The following ACSL4 variants were observed in gnomAD, a reference collection of about 807,000 sequenced individuals.
ACSL4 encodes the protein acyl-CoA synthetase long chain family member 4, also known as long-chain-fatty-acid--CoA ligase 4.
In ACSL4, 9 loss-of-function variants were observed where a neutral mutation model predicts 49.1. The observed-to-expected ratio is 0.18, with a 90% CI of 0.11 to 0.32. ACSL4 has a LOEUF of 0.32. Among genes scored for constraint, ACSL4 ranks in the 10% least tolerant of loss-of-function variants. The pLI is 1.00. For synonymous variants in ACSL4, 191 were observed against 170.3 expected (o/e 1.12, Z -0.95); for missense variants, 333 against 493.7 (o/e 0.67, Z 3.08).
chrX:109,663,384 T>A lies in ACSL4; in HGVS notation c.1409A>T (p.Asp470Val). The change falls in exon 13 of 16, where the codon GAC becomes GTC. Residue 470 changes from aspartate to valine, a missense_variant. Around this residue, in one of 3 missense-constraint regions of ACSL4, gnomAD observed 175 missense variants for 275.8 expected, o/e 0.63. Transcript: ENST00000672401. ...DWQEGGYTIN[D>V]KPNPRGEIVI... ...GATTTCACCTCTGGGGTTTGGCTTG[T>A]CATTAATTGTATAACCGCCTGGAAA... 1 of 1,208,846 alleles carries A rather than the reference T, an allele frequency of 8.3e-7. No individual in the cohort carries two copies. Among genetic ancestry groups the A allele is most frequent in the Middle Eastern group, 2.3e-4 (1 of 4,343 alleles).
intron 11 of ACSL4, among the ~76,000 whole-genome samples, chrX:109,667,634 C>T (rs1488018380): frequency 1.8e-5 from 2 of 111,997 alleles, no homozygotes; most frequent in African/African-American, 6.5e-5. Context: ...GGTGGCTCAC[C>T]GCCTGTAATC....
chrX:109,662,725 C>T (rs1169788024), intron 13 of ACSL4, among the ~76,000 whole-genome samples: 3 of 111,017 alleles, frequency 2.7e-5, no homozygotes, highest in Non-Finnish European at 5.7e-5. Flanking sequence ...TCGTTAGACA[C>T]ATATAAATAG....
At chrX:109,669,613 T>C (rs1922999169) in intron 9 of ACSL4, among the ~76,000 whole-genome samples, 1 of 111,652 alleles carries the variant, frequency 9.0e-6, no homozygotes, top group South Asian at 3.7e-4. Context: ...CAGGCTGGTG[T>C]CGAACTCCTG....
At chrX:109,650,678 TAATA>T (rs753593761) in intron 15 of ACSL4, among the ~76,000 whole-genome samples, 3 of 111,744 alleles carry the variant, frequency 2.7e-5, no homozygotes, top group Non-Finnish European at 5.7e-5. Flanking sequence ...TAAAGTATAA[TAATA>T]AATAAAGAAA....
intron 1 of ACSL4, among the ~76,000 whole-genome samples, chrX:109,704,416 CTAT>C (rs34583814): frequency 0.49 from 53,868 of 109,935 alleles, 9,983 homozygotes; most frequent in Middle Eastern, 0.64. Flanking sequence ...GCTAATAATT[CTAT>C]TATCATTCAT....
At chrX:109,724,486 A>T (rs1216971986) in intron 1 of ACSL4, among the ~76,000 whole-genome samples, 1 of 111,443 alleles carries the variant, frequency 9.0e-6, no homozygotes, top group Non-Finnish European at 1.9e-5. Flanking sequence ...TCTGTCACCC[A>T]GGGTGGAATG....
chrX:109,678,504 G>A lies in ACSL4; in HGVS notation c.656-89C>T, dbSNP rs537791609. ...ATAGGATATTTAGATTTTGCATAAC[G>A]ATAAGCTATCAATAGACAGTATTTG... is the stretch of plus-strand genomic sequence containing the variant. On this transcript the variant is annotated intron_variant, in intron 6 of 15. Transcript: ENST00000672401. 5.6e-4 allele frequency: 590 copies of A among 1,061,751 alleles called. 3 individuals carry two copies. In the South Asian group the frequency reaches 0.01, roughly 18 times the overall value. 87.5% of individuals were successfully genotyped at this position (1,061,751 alleles called of 1,213,427 possible).
At chrX:109,646,506 G>A (rs1278675847) in intron 15 of ACSL4, among the ~76,000 whole-genome samples, 1 of 109,285 alleles carries the variant, frequency 9.2e-6, no homozygotes, top group Non-Finnish European at 1.9e-5. Context: ...TGCCCTAAAA[G>A]AGCTCCTGAA....
intron 1 of ACSL4, among the ~76,000 whole-genome samples, chrX:109,725,824 C>A (rs1033376695): frequency 8.9e-6 from 1 of 111,740 alleles, no homozygotes; most frequent in Non-Finnish European, 1.9e-5. Flanking sequence ...ATCTTACCCA[C>A]ATTTAAGCGG....
At chrX:109,665,396 T>C in intron 12 of ACSL4, 24 bp downstream of exon 12, 1 of 1,176,589 alleles carries the variant, frequency 8.5e-7, no homozygotes, top group South Asian at 1.8e-5. Flanking sequence ...CTTGAATCAC[T>C]AGAGCTTTTC....
At chrX:109,656,742 T>C (rs1396921474) in intron 15 of ACSL4, among the ~76,000 whole-genome samples, 1 of 109,293 alleles carries the variant, frequency 9.1e-6, no homozygotes, top group Non-Finnish European at 1.9e-5. Flanking sequence ...AAACTGAAAC[T>C]TAAAAAAAGG....
At chrX:109,650,559 G>A (rs1413367724) in intron 15 of ACSL4, among the ~76,000 whole-genome samples, 1 of 107,981 alleles carries the variant, frequency 9.3e-6, no homozygotes, top group African/African-American at 3.4e-5. Flanking sequence ...GGATAGCATT[G>A]GGAGATATAC....
chrX:109,683,830 T>G (rs898248299), intron 2 of ACSL4, among the ~76,000 whole-genome samples: 2 of 112,773 alleles, frequency 1.8e-5, no homozygotes, highest in African/African-American at 6.4e-5. Flanking sequence ...ATAACTGGTC[T>G]GAAAGGCTGG....
At chrX:109,649,557 T>C (rs1357478810) in intron 15 of ACSL4, among the ~76,000 whole-genome samples, 18 of 111,761 alleles carry the variant, frequency 1.6e-4, no homozygotes. Context: ...ACGTTAGACC[T>C]AAAACCATAA....
intron 1 of ACSL4, among the ~76,000 whole-genome samples, chrX:109,716,103 G>A (rs759641520): frequency 9.0e-6 from 1 of 111,694 alleles, no homozygotes; most frequent in South Asian, 3.7e-4. Context: ...ACATGTGCGT[G>A]CATTTGTTCA....
intron 15 of ACSL4, among the ~76,000 whole-genome samples, chrX:109,646,876 G>C (rs1934737524): frequency 9.0e-6 from 1 of 111,059 alleles, no homozygotes; most frequent in African/African-American, 3.3e-5. Context: ...TGCAATCCTA[G>C]TCTCTGATAA....
rs1335182331 is a variant in ACSL4, at chrX:109,644,103, C to A, written c.1939G>T (p.Ala647Ser). ...AGCTCCTTCCTTTTCAGTTTGAAAGCATCAGTTACCAAACCAGTTTCAGGG... is the reference window on the plus strand; with the variant it reads ...AGCTCCTTCCTTTTCAGTTTGAAAGAATCAGTTACCAAACCAGTTTCAGGG... The part of the protein sequence containing the change: ...WTPETGLVTD[A>S]FKLKRKELRN... The change falls in exon 16 of 16, where the codon GCT becomes TCT. Residue 647 changes from alanine to serine, a missense_variant. By Grantham distance (99) the Ala-to-Ser change is moderately conservative. Around this residue, in one of 3 missense-constraint regions of ACSL4, gnomAD observed 175 missense variants for 275.8 expected, o/e 0.63. Transcript: ENST00000672401. The A allele has an allele frequency of 8.3e-7, 1 of 1,208,135 alleles. No homozygotes were observed. The highest frequency in any genetic ancestry group is 1.1e-6 in the Non-Finnish European group (1 of 894,094).
chrX:109,704,400 A>G (rs1164597798), intron 1 of ACSL4, among the ~76,000 whole-genome samples: 15 of 86,339 alleles, frequency 1.7e-4, no homozygotes, highest in African/African-American at 4.8e-4. Flanking sequence ...AAATAGTCCA[A>G]TCTTAGCTAA....
rs764731978 is a variant in ACSL4 at position 109,668,251 on chromosome X, C to A, written c.1165G>T (p.Ala389Ser). 8.3e-7 allele frequency: 1 copy of A among 1,204,301 alleles called. No individual in the cohort carries two copies. Among genetic ancestry groups the A allele is most frequent in the East Asian group, 3.0e-5 (1 of 33,640 alleles). Residue 389 changes from alanine (A) to serine (S), a missense_variant, in exon 11 of 16, where the codon GCC (alanine) becomes TCC (serine). Around this residue, in one of 3 missense-constraint regions of ACSL4, gnomAD observed 175 missense variants for 275.8 expected, o/e 0.63. Transcript: ENST00000672401. ...CNLLLFKKVK[A>S]LLGGNVRMML... ...ATGCGGACATTCCCTCCCAGCAGGG[C>A]CTTGACCTTTTTAAACAGTAACCTT...
Sources: gnomAD v4.1 joint callset for allele counts (sites outside exome capture counted in the v4.1 genomes callset) on GRCh38, gnomAD v4.1.1 for gene constraint, gnomAD v4.1.1 regional missense constraint, MANE v1.5 for transcripts, NCBI Gene and HGNC (gene_info 2026-07-23, HGNC 2026-07-21) for gene names.